ATXN1: variants seen among roughly 807,000 people sequenced by gnomAD.
ATXN1 encodes the protein ataxin 1, also known as ataxin-1.
A neutral mutation model predicts 56.4 loss-of-function variants in ATXN1; 8 were observed. That is an observed-to-expected ratio of 0.14 (90% confidence interval 0.08 to 0.26). The LOEUF (loss-of-function observed/expected upper bound fraction) is 0.26, where lower values mean the gene tolerates loss of function less well. Among genes scored for constraint, ATXN1 ranks in the 10% least tolerant of loss-of-function variants. ATXN1 has a pLI of 1.00. For synonymous variants in ATXN1, 514 were observed against 494.6 expected (o/e 1.04, Z -0.52); for missense variants, 987 against 1,106.5 (o/e 0.89, Z 1.53).
rs1053314967 is a variant in ATXN1, at chr6:16,755,660, G to A, written c.-729-2313C>T. The stretch of plus-strand genomic sequence containing the variant: ...GGTTAGTAGCTACAATAACTGTCAC[G>A]AAAAACTTCTGCTACCTAACTCATT... On this transcript the variant is annotated intron_variant, in intron 1 of 7. Transcript: ENST00000436367. Among the ~76,000 whole-genome samples, 4 of 150,714 alleles carry A rather than the reference G, an allele frequency of 2.7e-5. No homozygotes were observed. The Admixed American group carries it at 2.7e-4, about 10-fold the overall frequency.
At chr6:16,440,641 A>T (rs1391496054) in intron 6 of ATXN1, among the ~76,000 whole-genome samples, 1 of 141,112 alleles carries the variant, frequency 7.1e-6, no homozygotes, top group Admixed American at 7.4e-5. Context: ...ACCCTGTCTT[A>T]AAAAAAAAAA....
At chr6:16,471,618 T>G (rs972018338) in intron 6 of ATXN1, among the ~76,000 whole-genome samples, 8 of 152,120 alleles carry the variant, frequency 5.3e-5, no homozygotes, top group Non-Finnish European at 1.2e-4. Flanking sequence ...CTGGATTAGA[T>G]TCGCACCTCT....
intron 2 of ATXN1, among the ~76,000 whole-genome samples, chr6:16,730,506 T>TATATATATATATATAA (rs1367623215): frequency 1.1e-4 from 16 of 147,130 alleles, no homozygotes; most frequent in African/African-American, 3.7e-4. Context: ...TATATATATA[T>TATATATATATATATAA]AAATGTATTT....
intron 5 of ATXN1, among the ~76,000 whole-genome samples, chr6:16,514,301 A>G (rs965438390): frequency 2.0e-5 from 3 of 152,048 alleles, no homozygotes; most frequent in African/African-American, 4.8e-5. Flanking sequence ...AAAAACAAAA[A>G]AAGACTGTCA....
intron 3 of ATXN1, among the ~76,000 whole-genome samples, 193 bp downstream of exon 3, chr6:16,657,583 A>G (rs1274513202): frequency 1.3e-5 from 2 of 152,232 alleles, no homozygotes; most frequent in Non-Finnish European, 2.9e-5. Flanking sequence ...TGCAAGTTTC[A>G]GAAACAAACA....
chr6:16,313,480 C>T (rs1760444814), intron 7 of ATXN1, among the ~76,000 whole-genome samples: 1 of 151,978 alleles, frequency 6.6e-6, no homozygotes, highest in Non-Finnish European at 1.5e-5. Flanking sequence ...GAACAGCCTG[C>T]CGAAAAATTC....
intron 6 of ATXN1, among the ~76,000 whole-genome samples, chr6:16,412,386 T>C (rs886896282): frequency 3.9e-5 from 6 of 152,230 alleles, no homozygotes; most frequent in African/African-American, 1.2e-4. Flanking sequence ...CATCCTTTTC[T>C]GCTTTATCTC....
chr6:16,622,935 C>A (rs1353154745), intron 3 of ATXN1, among the ~76,000 whole-genome samples: 1 of 151,886 alleles, frequency 6.6e-6, no homozygotes, highest in Non-Finnish European at 1.5e-5. Context: ...TGAAATTTTA[C>A]AAAAATAATC....
intron 6 of ATXN1, among the ~76,000 whole-genome samples, chr6:16,345,729 A>G (rs1487012404): frequency 1.3e-5 from 2 of 152,144 alleles, no homozygotes; most frequent in African/African-American, 4.8e-5. Context: ...GTTTCCAGTC[A>G]CTAGCAAGAT....
intron 3 of ATXN1, among the ~76,000 whole-genome samples, chr6:16,643,561 CGAGGCTGCAGTGA>C (rs1763747027): frequency 7.4e-6 from 1 of 135,506 alleles, no homozygotes; most frequent in Non-Finnish European, 1.5e-5. Context: ...GCCCGGAGGT[CGAGGCTGCAGTGA>C]GCTGAGATTG....
At position 16,327,611 on chromosome 6, in the gene ATXN1, T is replaced by C; in HGVS notation, c.700A>G (p.Ile234Val). 1 of 1,590,294 alleles carries C rather than the reference T, an allele frequency of 6.3e-7. No homozygotes were observed. ...QQHLSRAPGL[I>V]TPGSPPPAQQ... ...GCTGGTGGGGGGGACCCCGGGGTGATGAGCCCCGGAGCCCTGCTGAGGTGC... is the reference window on the plus strand; with the variant it reads ...GCTGGTGGGGGGGACCCCGGGGTGACGAGCCCCGGAGCCCTGCTGAGGTGC... Residue 234 changes from isoleucine to valine, a missense_variant, in exon 7 of 8, where the codon ATC becomes GTC. Transcript: ENST00000436367.
intron 4 of ATXN1, among the ~76,000 whole-genome samples, chr6:16,529,815 C>A (rs1761467616): frequency 6.6e-6 from 1 of 152,148 alleles, no homozygotes; most frequent in Admixed American, 6.5e-5. Context: ...ACTTTTCACA[C>A]TCCATGGTAA....
intron 5 of ATXN1, among the ~76,000 whole-genome samples, chr6:16,509,883 G>A (rs145745088): frequency 8.7e-4 from 132 of 152,150 alleles, no homozygotes; most frequent in African/African-American, 2.9e-3. Flanking sequence ...ACAGGCATAC[G>A]GGTGGCCCCT....
rs148218816 is a variant in ATXN1 at position 16,547,421 on chromosome 6, A to G, written c.-360-24733T>C. On this transcript the variant is annotated intron_variant, in intron 4 of 7. Transcript: ENST00000436367. The stretch of plus-strand genomic sequence containing the variant: ...CCGCCAGCAAATGCCTACCATGTGG[A>G]GTCTCACCACAAGACCCAAGCTGTG... Among the ~76,000 whole-genome samples, 5 of 152,266 alleles carry G rather than the reference A, an allele frequency of 3.3e-5. No individual in the cohort carries two copies. The East Asian group carries it at 9.7e-4, about 29-fold the overall frequency.
At chr6:16,593,847 ATG>A (rs1198843226) in intron 3 of ATXN1, among the ~76,000 whole-genome samples, 1 of 61,164 alleles carries the variant, frequency 1.6e-5, no homozygotes, top group Non-Finnish European at 3.2e-5. Flanking sequence ...GTACGTGTAT[ATG>A]TGTGTGTGCA....
intron 4 of ATXN1, among the ~76,000 whole-genome samples, chr6:16,578,922 C>T (rs566850800): frequency 2.0e-5 from 3 of 152,310 alleles, no homozygotes; most frequent in Admixed American, 2.0e-4. Context: ...TGGGGCAAAC[C>T]ATCCTCCCAT....
At chr6:16,607,079 G>A (rs1232749818) in intron 3 of ATXN1, among the ~76,000 whole-genome samples, 2 of 151,648 alleles carry the variant, frequency 1.3e-5, no homozygotes, top group Admixed American at 6.6e-5. Flanking sequence ...GTAGAGATGG[G>A]GTTTCACCAG....
intron 3 of ATXN1, among the ~76,000 whole-genome samples, chr6:16,633,851 G>A (rs78944473): frequency 2.2e-3 from 339 of 152,274 alleles, no homozygotes; most frequent in Non-Finnish European, 3.9e-3. Flanking sequence ...GGACATTTAC[G>A]CTTGCACCTT....
At chr6:16,396,240 T>C (rs1194358756) in intron 6 of ATXN1, among the ~76,000 whole-genome samples, 1 of 151,764 alleles carries the variant, frequency 6.6e-6, no homozygotes, top group Non-Finnish European at 1.5e-5. Context: ...GTTTGTGTCT[T>C]AGTTTTTAAC....
Sources: allele counts gnomAD v4.1 joint callset (sites outside exome capture counted in the v4.1 genomes callset), GRCh38; gene constraint gnomAD v4.1.1; transcripts MANE v1.5; gene names NCBI Gene and HGNC (gene_info 2026-07-23, HGNC 2026-07-21).